The following SYNJ1 variants were observed in gnomAD, a reference collection of about 807,000 sequenced individuals.
The protein encoded by SYNJ1 is synaptojanin 1.
SYNJ1 carries 78 observed loss-of-function variants against 168.2 expected under a neutral mutation model. That is an observed-to-expected ratio of 0.46 (90% CI 0.39 to 0.56). The LOEUF (loss-of-function observed/expected upper bound fraction) is 0.56, where lower values mean the gene tolerates loss of function less well. Among genes scored for constraint, SYNJ1 ranks in the 20% least tolerant of loss-of-function variants. The pLI is 0.00. For missense variants in SYNJ1, 1,303 were observed against 1,597.6 expected, an observed-to-expected ratio of 0.82 and a Z score of 3.14; for synonymous variants, 539 against 548.6, an observed-to-expected ratio of 0.98 and a Z score of 0.24.
intron 31 of SYNJ1, among the ~76,000 whole-genome samples, chr21:32,635,687 G>A (rs1378405664): frequency 6.6e-6 from 1 of 151,976 alleles, no homozygotes; most frequent in African/African-American, 2.4e-5. Flanking sequence ...ATACTATTTT[G>A]CAAAAAGACT....
intron 23 of SYNJ1, among the ~76,000 whole-genome samples, chr21:32,648,137 C>T (rs2040142599): frequency 6.6e-6 from 1 of 152,178 alleles, no homozygotes; most frequent in African/African-American, 2.4e-5. Flanking sequence ...CACTGCTCTA[C>T]TATTCTGCCT....
rs138122167 is a variant in SYNJ1 at position 32,631,231 on chromosome 21, A to C, written c.*574T>G. ...AGTAAGTCTGAACAAGCTGACTTTGACTTCCCTTTCACACCAAAATCCTCT... is the reference window on the plus strand; with the variant it reads ...AGTAAGTCTGAACAAGCTGACTTTGCCTTCCCTTTCACACCAAAATCCTCT... On this transcript the variant is annotated 3_prime_UTR_variant, in exon 33 of 33. Transcript: ENST00000674351. 6.2e-7 allele frequency: 1 copy of C among 1,614,104 alleles called. No homozygotes were observed. The highest frequency in any genetic ancestry group is 2.2e-5 in the East Asian group (1 of 44,902).
chr21:32,666,620 A>G lies in SYNJ1; in HGVS notation c.1812-47T>C, dbSNP rs375532535. ...AGAATTTTTTAAAAAGGTATTGACA[A>G]TAGCCTATTTTATGACAATTGTCAA... On this transcript the variant is annotated intron_variant, in intron 15 of 32. Transcript: ENST00000674351. 1,357 of 1,567,668 alleles carry G rather than the reference A, an allele frequency of 8.7e-4. 1 individual carries two copies. Among genetic ancestry groups the G allele is most frequent in the Middle Eastern group, 1.6e-3 (9 of 5,688 alleles).
Position 32,671,859 on chromosome 21 carries a change from A to T in SYNJ1, c.1726+1481T>A, listed in dbSNP as rs536300229. On this transcript the variant is annotated intron_variant, in intron 14 of 32. Transcript: ENST00000674351. The stretch of plus-strand genomic sequence containing the variant: ...GATCACCTGAGGTCAGGAGTTTGAG[A>T]CCAGCCTGGCCAACATGGTGAAACC... Among the ~76,000 whole-genome samples the T allele has an allele frequency of 2.0e-5, 3 of 152,088 alleles. No homozygotes were observed. In the East Asian group the frequency reaches 5.8e-4, roughly 29 times the overall value.
In SYNJ1 at chr21:32,665,998, A is replaced by G. The variant is rs764946363; in HGVS notation, c.2090T>C (p.Val697Ala). 98 of 1,613,216 alleles carry G rather than the reference A, an allele frequency of 6.1e-5. No homozygotes were observed. The highest frequency in any genetic ancestry group is 8.2e-5 in the Non-Finnish European group (97 of 1,179,768). ...CSHFAAGQSQ[V>A]KERNEDFIEI... ...TATAAAATCTTCATTTCTTTCTTTG[A>G]CTTGTGACTGCCCTGCAGCAAAGTG... is the stretch of plus-strand genomic sequence containing the variant. The change falls in exon 17 of 33, where the codon GTC (valine) becomes GCC (alanine). Residue 697 changes from valine (V) to alanine (A), a missense_variant. By Grantham distance (64) the Val-to-Ala change is moderately conservative (BLOSUM62 0). This residue lies in a region of SYNJ1 where 920 missense variants were observed against 1,208.8 expected (regional missense o/e 0.76). Transcript: ENST00000674351.
chr21:32,631,185 A>G lies in SYNJ1; in HGVS notation c.*620T>C. On this transcript the variant is annotated 3_prime_UTR_variant, in exon 33 of 33. Coordinates refer to ENST00000674351, the MANE Select transcript of SYNJ1 (RefSeq NM_203446.3). Reference sequence around the variant, plus strand: ...ATTCAATGTCAGGTTGGAGCCAGAAAATGAACTTGGCTGATTACCCAGTAA... The same window carrying G: ...ATTCAATGTCAGGTTGGAGCCAGAAGATGAACTTGGCTGATTACCCAGTAA... The G allele has an allele frequency of 5.0e-6, 8 of 1,614,206 alleles. No individual in the cohort carries two copies. Among genetic ancestry groups the G allele is most frequent in the Non-Finnish European group, 6.8e-6 (8 of 1,180,028 alleles).
At chr21:32,683,576 A>C (rs1258934196) in intron 10 of SYNJ1, among the ~76,000 whole-genome samples, 1 of 152,126 alleles carries the variant, frequency 6.6e-6, no homozygotes, top group Non-Finnish European at 1.5e-5. Context: ...TACTAATTTG[A>C]AAACACCAAA....
chr21:32,676,052 A>G (rs948917850), intron 13 of SYNJ1, among the ~76,000 whole-genome samples: 2 of 152,212 alleles, frequency 1.3e-5, no homozygotes, highest in African/African-American at 2.4e-5. Flanking sequence ...ATGAAATGTA[A>G]AAGTGAAATT....
chr21:32,631,466 A>T lies in SYNJ1; in HGVS notation c.*339T>A. On this transcript the variant is annotated 3_prime_UTR_variant, in exon 33 of 33. Coordinates refer to ENST00000674351, the MANE Select transcript of SYNJ1 (RefSeq NM_203446.3). Reference sequence around the variant, plus strand: ...CCTCTGATTCTTCAGACTTGGCTCTAAATGGGTTTCCAGGAGCAGCAGTCC... The same window carrying T: ...CCTCTGATTCTTCAGACTTGGCTCTTAATGGGTTTCCAGGAGCAGCAGTCC... 2 of 1,614,190 alleles carry T rather than the reference A, an allele frequency of 1.2e-6. No individual in the cohort carries two copies. Among genetic ancestry groups the T allele is most frequent in the Non-Finnish European group, 1.7e-6 (2 of 1,180,024 alleles).
chr21:32,711,776 C>T lies in SYNJ1; in HGVS notation c.125-9729G>A, dbSNP rs181027341. ...TTCAGATGAAGACATAATCATATACCTATTTCTTGATTTTCATGAGTTGTG... is the reference window on the plus strand; with the variant it reads ...TTCAGATGAAGACATAATCATATACTTATTTCTTGATTTTCATGAGTTGTG... On this transcript the variant is annotated intron_variant, in intron 2 of 32. Transcript: ENST00000674351. Among the ~76,000 whole-genome samples the T allele has an allele frequency of 8.8e-4, 134 of 152,222 alleles. 1 individual carries two copies. In the South Asian group the frequency reaches 0.017, roughly 19 times the overall value.
chr21:32,660,625 G>A (rs1364512556), intron 18 of SYNJ1, among the ~76,000 whole-genome samples: 1 of 152,104 alleles, frequency 6.6e-6, no homozygotes, highest in Non-Finnish European at 1.5e-5. Flanking sequence ...AACTTTGAAC[G>A]CTGTCATTGA....
At chr21:32,693,791 AG>A (rs1181562438) in intron 6 of SYNJ1, among the ~76,000 whole-genome samples, 1 of 152,210 alleles carries the variant, frequency 6.6e-6, no homozygotes. Flanking sequence ...GAGACACACA[AG>A]GGTTAAATTA....
At chr21:32,672,331 T>C (rs976708825) in intron 14 of SYNJ1, among the ~76,000 whole-genome samples, 1 of 151,888 alleles carries the variant, frequency 6.6e-6, no homozygotes, top group Non-Finnish European at 1.5e-5. Flanking sequence ...TCTTTTTCTT[T>C]CTTTCTTTTT....
At chr21:32,706,934 G>C (rs1384787466) in intron 2 of SYNJ1, among the ~76,000 whole-genome samples, 1 of 152,114 alleles carries the variant, frequency 6.6e-6, no homozygotes, top group Non-Finnish European at 1.5e-5. Context: ...ATAATCTTTA[G>C]ATAAAATACA....
In SYNJ1 at chr21:32,629,603, G is replaced by A. The variant is rs868422392; in HGVS notation, c.*2202C>T. The A allele has an allele frequency of 6.6e-6, 1 of 152,506 alleles. No homozygotes were observed. The highest frequency in any genetic ancestry group is 1.5e-5 in the Non-Finnish European group (1 of 68,026). The allele number at this position is 152,506 out of a possible 1,614,324, so 9.4% of individuals were successfully genotyped here. A position where few individuals can be genotyped will look rare whatever the true frequency, so the allele number is the denominator to read the frequency against. On this transcript the variant is annotated 3_prime_UTR_variant, in exon 33 of 33. Transcript: ENST00000674351. The stretch of plus-strand genomic sequence containing the variant: ...TGTACATCTTTAAAGGTTAAGTGTG[G>A]ACATAGGAATTTAGGTGGACATATA...
At chr21:32,717,220 A>G (rs1055336809) in intron 2 of SYNJ1, among the ~76,000 whole-genome samples, 4 of 152,092 alleles carry the variant, frequency 2.6e-5, no homozygotes, top group Non-Finnish European at 4.4e-5. Flanking sequence ...CGGCCTCCCA[A>G]AGTGCTGGGA....
chr21:32,673,732 T>TAAAA (rs931173780), intron 13 of SYNJ1, among the ~76,000 whole-genome samples: 1 of 129,010 alleles, frequency 7.8e-6, no homozygotes. Context: ...AACACATCTT[T>TAAAA]AAAAAAAAAA....
intron 1 of SYNJ1, 56 bp from the exon 2 acceptor site, chr21:32,726,973 G>T: frequency 1.3e-6 from 2 of 1,584,910 alleles, no homozygotes; most frequent in Non-Finnish European, 1.7e-6. Flanking sequence ...TCTGCAGCAA[G>T]GACTGCAAAG....
chr21:32,636,416 G>T (rs1333167814), intron 31 of SYNJ1, among the ~76,000 whole-genome samples: 1 of 152,108 alleles, frequency 6.6e-6, no homozygotes, highest in Non-Finnish European at 1.5e-5. Flanking sequence ...GTAAAACTGG[G>T]TCATATACAT....
Sources: gnomAD v4.1 joint callset for allele counts (sites outside exome capture counted in the v4.1 genomes callset) on GRCh38, gnomAD v4.1.1 for gene constraint, gnomAD v4.1.1 regional missense constraint, MANE v1.5 for transcripts, NCBI Gene and HGNC (gene_info 2026-07-23, HGNC 2026-07-21) for gene names.